The following MYRFL variants were observed in gnomAD, a reference collection of about 807,000 sequenced individuals.
MYRFL encodes myelin regulatory factor-like protein.
MYRFL carries 88 observed loss-of-function variants against 109.4 expected under a neutral mutation model. That is an observed-to-expected ratio of 0.80 (90% confidence interval 0.68 to 0.96). The LOEUF (loss-of-function observed/expected upper bound fraction) is 0.96. Among genes scored for constraint, MYRFL ranks in the 40% least tolerant of loss-of-function variants. The pLI is 0.00. For synonymous variants in MYRFL, 324 were observed against 320.9 expected (o/e 1.01, Z -0.10); for missense variants, 957 against 954.9 (o/e 1.00, Z -0.03).
At chr12:69,918,231 G>A (rs367760924) in intron 13 of MYRFL, among the ~76,000 whole-genome samples, 25 of 152,270 alleles carry the variant, frequency 1.6e-4, no homozygotes, top group Non-Finnish European at 2.9e-4. Context: ...ATGTGCCCTC[G>A]CATCACTGCT....
intron 1 of MYRFL, among the ~76,000 whole-genome samples, chr12:69,828,237 A>G (rs1363166908): frequency 6.6e-6 from 1 of 151,680 alleles, no homozygotes; most frequent in Non-Finnish European, 1.5e-5. Flanking sequence ...CTATGTTAAA[A>G]CTCTGTAAAT....
intron 2 of MYRFL, among the ~76,000 whole-genome samples, chr12:69,869,971 C>T (rs555687069): frequency 1.3e-5 from 2 of 152,054 alleles, no homozygotes; most frequent in African/African-American, 4.8e-5. Flanking sequence ...TAGATTCAAC[C>T]CCTGGGAGAT....
At chr12:69,948,527 A>G (rs1565650305) in intron 19 of MYRFL, among the ~76,000 whole-genome samples, 1 of 152,202 alleles carries the variant, frequency 6.6e-6, no homozygotes, top group Admixed American at 6.5e-5. Flanking sequence ...AACACACAGG[A>G]TAGAGAAGTC....
chr12:69,895,227 C>T (rs1953947137), intron 8 of MYRFL, 144 bp from the exon 9 acceptor site: 8 of 624,744 alleles, frequency 1.3e-5, no homozygotes, highest in East Asian at 5.6e-5. Context: ...AGTTAATAAT[C>T]GGGGACTAGA....
intron 5 of MYRFL, among the ~76,000 whole-genome samples, chr12:69,885,040 A>G (rs1298030247): frequency 1.3e-5 from 2 of 152,190 alleles, no homozygotes; most frequent in Non-Finnish European, 2.9e-5. Flanking sequence ...AAGAAAAAAA[A>G]GGAAGAATTA....
rs1399926031 is a variant in MYRFL, at chr12:69,957,916, AGAGAAATCTCCCAG to A, written c.2550_2563del (p.Glu850AspfsTer18). The A allele has an allele frequency of 6.5e-7, 1 of 1,534,788 alleles. No homozygotes were observed. Among genetic ancestry groups the A allele is most frequent in the East Asian group, 2.4e-5 (1 of 40,888 alleles). On this transcript the variant is annotated frameshift_variant, in exon 23 of 25. Coordinates refer to ENST00000552032, the MANE Select transcript of MYRFL (RefSeq NM_182530.3). LOFTEE classifies it high-confidence loss of function. ...GGGAACCAAAGGGCTGGAAAGCCAC[AGAGAAATCTCCCAG>A]GAGATGACACAGGTAATGTTTTCTG...
intron 4 of MYRFL, among the ~76,000 whole-genome samples, chr12:69,879,867 G>C (rs1451488718): frequency 6.6e-6 from 1 of 152,132 alleles, no homozygotes; most frequent in African/African-American, 2.4e-5. Flanking sequence ...GATCTAGAGA[G>C]TGCCAGAAAG....
At chr12:69,912,407 T>A (rs367765495) in intron 13 of MYRFL, among the ~76,000 whole-genome samples, 229 of 152,280 alleles carry the variant, frequency 1.5e-3, no homozygotes, top group African/African-American at 4.7e-3. Context: ...CCACCATCCA[T>A]CTCCAGAACT....
At chr12:69,910,568 C>T (rs1201016030) in intron 12 of MYRFL, among the ~76,000 whole-genome samples, 1 of 151,434 alleles carries the variant, frequency 6.6e-6, no homozygotes, top group Non-Finnish European at 1.5e-5. Flanking sequence ...AAGCCAACGC[C>T]CCATCTTTAC....
At chr12:69,880,638 G>A (rs1046640937) in intron 5 of MYRFL, among the ~76,000 whole-genome samples, 1 of 152,192 alleles carries the variant, frequency 6.6e-6, no homozygotes, top group African/African-American at 2.4e-5. Flanking sequence ...TTGCATTGCT[G>A]CAATCCTTCT....
chr12:69,922,899 C>T (rs1016568669), intron 13 of MYRFL, among the ~76,000 whole-genome samples: 4 of 152,044 alleles, frequency 2.6e-5, no homozygotes, highest in Non-Finnish European at 5.9e-5. Context: ...TCTATCATTT[C>T]TTCTTCATTT....
At chr12:69,955,715 C>G (rs1017958615) in intron 22 of MYRFL, among the ~76,000 whole-genome samples, 1 of 152,130 alleles carries the variant, frequency 6.6e-6, no homozygotes, top group African/African-American at 2.4e-5. Context: ...CTATAGACTT[C>G]CCCTGACTTT....
At chr12:69,932,754 C>T (rs897581490) in intron 16 of MYRFL, among the ~76,000 whole-genome samples, 156 bp downstream of exon 16, 1 of 151,706 alleles carries the variant, frequency 6.6e-6, no homozygotes, top group Non-Finnish European at 1.5e-5. Context: ...ATGAGGGAAC[C>T]TTTTTTGAAA....
chr12:69,958,627 A>G lies in MYRFL; in HGVS notation c.*96A>G. ...TTGCAACTTCTTTTTTCTTCTTTGT[A>G]AAACATTTACGTTTATTGCTGAAGG... On this transcript the variant is annotated 3_prime_UTR_variant, in exon 25 of 25. Transcript: ENST00000552032. 1.1e-6 allele frequency: 1 copy of G among 942,308 alleles called. No individual in the cohort carries two copies. The highest frequency in any genetic ancestry group is 1.6e-6 in the Non-Finnish European group (1 of 643,184). 58.4% of individuals were successfully genotyped at this position (942,308 alleles called of 1,614,324 possible).
At position 69,936,520 on chromosome 12, in the gene MYRFL, C is replaced by T. The variant is rs916105254; in HGVS notation, c.2112C>T (p.Ile704=). The T allele has an allele frequency of 1.3e-6, 2 of 1,536,052 alleles. No homozygotes were observed. Among genetic ancestry groups the T allele is most frequent in the African/African-American group, 1.4e-5 (1 of 73,036 alleles). Reference sequence around the variant, plus strand: ...TACCTGAAATTACTTTCTGTGAAATCCTGCCGTGTCAGGAGACTTATTGCT... The same window carrying T: ...TACCTGAAATTACTTTCTGTGAAATTCTGCCGTGTCAGGAGACTTATTGCT... ...LQVPEITFCE[I]LPCQETYCCP... Residue 704 remains isoleucine, a synonymous_variant, in exon 19 of 25, where the codon ATC becomes ATT. Coordinates refer to ENST00000552032, the MANE Select transcript of MYRFL (RefSeq NM_182530.3).
chr12:69,900,645 C>T (rs993215801), intron 10 of MYRFL, among the ~76,000 whole-genome samples: 1 of 152,192 alleles, frequency 6.6e-6, no homozygotes, highest in Non-Finnish European at 1.5e-5. Context: ...CAAAAATGGA[C>T]TTCCTAAGAG....
At position 69,886,995 on chromosome 12, in the gene MYRFL, A is replaced by G; in HGVS notation, c.707+25A>G. 2.6e-6 allele frequency: 4 copies of G among 1,534,610 alleles called. No homozygotes were observed. The South Asian group carries it at 3.6e-5, about 14-fold the overall frequency. ...TGTAAGTGGCTTGAGTGGGCTGGAG[A>G]GTGAGGGGAGAAAGACAGTGCTAAA... On this transcript the variant is annotated intron_variant, in intron 6 of 24. Transcript: ENST00000552032.
chr12:69,856,591 C>T (rs1430990022), intron 2 of MYRFL, among the ~76,000 whole-genome samples: 4 of 151,918 alleles, frequency 2.6e-5, no homozygotes, highest in Non-Finnish European at 1.5e-5. Context: ...TTTATTATAG[C>T]CATTCTAATT....
At chr12:69,853,833 G>A (rs1264578809) in intron 1 of MYRFL, among the ~76,000 whole-genome samples, 2 of 151,724 alleles carry the variant, frequency 1.3e-5, no homozygotes, top group South Asian at 4.2e-4. Flanking sequence ...CGGGATCGCG[G>A]CCGGGAAGAG....
Sources: allele counts gnomAD v4.1 joint callset (sites outside exome capture counted in the v4.1 genomes callset), GRCh38; gene constraint gnomAD v4.1.1; transcripts MANE v1.5; gene names NCBI Gene and HGNC (gene_info 2026-07-23, HGNC 2026-07-21).